Variants in FANCD2 observed in about 807,000 individuals in gnomAD.
The protein encoded by FANCD2 is Fanconi anemia group D2 protein.
FANCD2 carries 131 observed loss-of-function variants against 192.3 expected under a neutral mutation model. That is an observed-to-expected ratio of 0.68 (90% CI 0.59 to 0.79). The LOEUF (loss-of-function observed/expected upper bound fraction) is 0.79. Ranked by LOEUF, FANCD2 falls within the 30% of genes least tolerant of loss-of-function variation. The probability of loss-of-function intolerance (pLI) is 0.00; values close to 1 mark genes in which losing one functional copy is unlikely to be tolerated. For missense variants in FANCD2, 1,508 were observed against 1,701.6 expected (o/e 0.89, Z 2.00); for synonymous variants, 524 against 612.5 (o/e 0.86, Z 2.13).
At chr3:10,076,457 A>G (rs1165525675) in intron 29 of FANCD2, among the ~76,000 whole-genome samples, 1 of 152,142 alleles carries the variant, frequency 6.6e-6, no homozygotes, top group East Asian at 1.9e-4. Flanking sequence ...ACTATTCTGA[A>G]TATTTATTTT....
At position 10,064,857 on chromosome 3, in the gene FANCD2, C is replaced by T. The variant is rs1223856296; in HGVS notation, c.2150C>T (p.Ser717Leu). The T allele has an allele frequency of 6.2e-7, 1 of 1,613,804 alleles. No individual in the cohort carries two copies. The highest frequency in any genetic ancestry group is 1.7e-5 in the Admixed American group (1 of 60,012). Residue 717 changes from serine (S) to leucine (L), a missense_variant, in exon 23 of 44, where the codon TCA (serine) becomes TTA (leucine). By Grantham distance (145) the Ser-to-Leu change is moderately radical (BLOSUM62 -2). Coordinates refer to ENST00000675286, the MANE Select transcript of FANCD2 (RefSeq NM_001018115.3). Reference sequence around the variant, plus strand: ...GCAAAAGATGGGGGTCCGGTGACCTCACAGGAATCAGGCCAAAAGTCAGTA... The same window carrying T: ...GCAAAAGATGGGGGTCCGGTGACCTTACAGGAATCAGGCCAAAAGTCAGTA... Reference protein sequence around the residue: ...DFAKDGGPVTSQESGQKLVSP... With the variant: ...DFAKDGGPVTLQESGQKLVSP...
intron 18 of FANCD2, among the ~76,000 whole-genome samples, chr3:10,053,825 A>G (rs112438386): frequency 0.012 from 1,881 of 152,200 alleles, 15 homozygotes; most frequent in Non-Finnish European, 0.018. Flanking sequence ...TAACCATGAA[A>G]CTGTTCAGTT....
At chr3:10,078,464 C>T (rs1575818311) in intron 30 of FANCD2, among the ~76,000 whole-genome samples, 2 of 152,032 alleles carry the variant, frequency 1.3e-5, no homozygotes, top group Non-Finnish European at 2.9e-5. Flanking sequence ...ATGTCATTCT[C>T]CTGCCTCAGC....
chr3:10,094,440 G>C (rs895832096), intron 40 of FANCD2, 77 bp downstream of exon 40: 2 of 1,240,806 alleles, frequency 1.6e-6, no homozygotes, highest in Non-Finnish European at 2.4e-6. Context: ...ACTCCTGGGT[G>C]GGGCTGGGAG....
At chr3:10,035,597 T>C (rs2086708271) in intron 6 of FANCD2, among the ~76,000 whole-genome samples, 1 of 152,220 alleles carries the variant, frequency 6.6e-6, no homozygotes, top group Non-Finnish European at 1.5e-5. Context: ...TTCCTCCTCC[T>C]CGTCTCTTTT....
At chr3:10,043,025 C>T (rs759019069) in intron 11 of FANCD2, 25 bp from the exon 12 acceptor site, 15 of 1,597,304 alleles carry the variant, frequency 9.4e-6, no homozygotes, top group Non-Finnish European at 1.1e-5. Context: ...AGCAGAAAAC[C>T]ATAGCTAATA....
chr3:10,085,911 G>C lies in FANCD2; in HGVS notation c.3324G>C (p.Glu1108Asp). 6.2e-7 allele frequency: 1 copy of C among 1,610,290 alleles called. No individual in the cohort carries two copies. Residue 1108 changes from glutamate (E) to aspartate (D), a missense_variant, in exon 33 of 44, where the codon GAG becomes GAC. Around this residue, in one of 5 missense-constraint regions of FANCD2, gnomAD observed 796 missense variants for 879.4 expected, o/e 0.91. Coordinates refer to ENST00000675286, the MANE Select transcript of FANCD2 (RefSeq NM_001018115.3). ...AGGGAGAACACAGCCAGCCTTTGGAGGAACTACTCAGGTGAGTCATAACTA... is the reference window on the plus strand; with the variant it reads ...AGGGAGAACACAGCCAGCCTTTGGACGAACTACTCAGGTGAGTCATAACTA... ...LKQGEHSQPLEELLSQSVHYL... is the reference protein window; with the variant it reads ...LKQGEHSQPLDELLSQSVHYL...
chr3:10,041,450 A>G, intron 9 of FANCD2, 173 bp from the exon 10 acceptor site: 2 of 568,298 alleles, frequency 3.5e-6, no homozygotes, highest in Non-Finnish European at 6.3e-6. Context: ...ATGAGCATGT[A>G]TTATTTTTTG....
At chr3:10,043,008 A>G (rs776209053) in intron 11 of FANCD2, 42 bp from the exon 12 acceptor site, 143 of 1,548,176 alleles carry the variant, frequency 9.2e-5, no homozygotes, top group Non-Finnish European at 1.2e-4. Flanking sequence ...CCTACCCACT[A>G]TGAATGAGCA....
In FANCD2 at chr3:10,065,444, G is replaced by A. The variant is rs2087692202; in HGVS notation, c.2219G>A (p.Cys740Tyr). ...LAPYFRLLRL[C>Y]VERQHNGNLE... is the part of the protein sequence containing the mutation. ...CCGTATTTCCGGTTACTGAGACTTT[G>A]TGTGGAGAGACAGCATAACGGAAAC... Residue 740 changes from cysteine to tyrosine, a missense_variant, in exon 24 of 44, where the codon TGT becomes TAT. This residue lies in a region of FANCD2 where 796 missense variants were observed against 879.4 expected (regional missense o/e 0.91). Transcript: ENST00000675286. 1 of 1,614,042 alleles carries A rather than the reference G, an allele frequency of 6.2e-7. No homozygotes were observed. Among genetic ancestry groups the A allele is most frequent in the Middle Eastern group, 1.7e-4 (1 of 6,060 alleles).
intron 36 of FANCD2, 45 bp from the exon 37 acceptor site, chr3:10,090,247 G>C (rs374714658): frequency 1.2e-5 from 17 of 1,400,380 alleles, no homozygotes; most frequent in Non-Finnish European, 1.6e-5. Context: ...GTAGTTCTAA[G>C]CAGTGCATCA....
chr3:10,041,650 C>T lies in FANCD2; in HGVS notation c.723C>T (p.Leu241=), dbSNP rs1158546653. 2.0e-5 allele frequency: 33 copies of T among 1,613,732 alleles called. No individual in the cohort carries two copies. The highest frequency in any genetic ancestry group is 1.6e-4 in the Middle Eastern group (1 of 6,062). The part of the protein sequence containing the change: ...LSDLLIENTS[L]TVPILDVLSS... ...ACCTACTGATAGAGAATACTTCACT[C>T]ACTGTCCCAATCCTGGATGTCCTTT... Residue 241 remains leucine, a synonymous_variant, in exon 10 of 44, where the codon CTC becomes CTT. Transcript: ENST00000675286.
At chr3:10,034,324 CAAAAAAAAAAAA>C in intron 3 of FANCD2, 133 bp from the exon 4 acceptor site, 1 of 416,780 alleles carries the variant, frequency 2.4e-6, no homozygotes, top group Non-Finnish European at 4.1e-6. Flanking sequence ...AACTCCATCT[CAAAAAAAAAAAA>C]AAAAAAAAAG....
In FANCD2 at chr3:10,039,361, G is replaced by A. The variant is rs2086807670; in HGVS notation, c.570+4G>A. The A allele has an allele frequency of 1.2e-6, 2 of 1,607,814 alleles. No homozygotes were observed. Among genetic ancestry groups the A allele is most frequent in the South Asian group, 2.2e-5 (2 of 90,872 alleles). On this transcript the variant is annotated splice_donor_region_variant and intron_variant, in intron 8 of 43. Transcript: ENST00000675286. ...TGACAGAGTTGTGGATGGCAAGGTA[G>A]GCTTATGGACTTTATCTCTTGAATT...
rs375415579 is a variant in FANCD2, at chr3:10,067,245, A to T, written c.2422A>T (p.Met808Leu). The change falls in exon 26 of 44, where the codon ATG (methionine) becomes TTG (leucine). Residue 808 changes from methionine to leucine, a missense_variant. Transcript: ENST00000675286. ...CTTCTGCCAGGAAACATCACCTGAG[A>T]TGAAGGGGAAGGTGCTCACTCGGTT... The part of the protein sequence containing the change: ...NAFCQETSPE[M>L]KGKVLTRLKH... The T allele has an allele frequency of 6.2e-7, 1 of 1,613,706 alleles. No homozygotes were observed. The highest frequency in any genetic ancestry group is 8.5e-7 in the Non-Finnish European group (1 of 1,179,658).
intron 20 of FANCD2, 71 bp from the exon 21 acceptor site, chr3:10,063,721 T>G: frequency 6.2e-7 from 1 of 1,607,794 alleles, no homozygotes. Flanking sequence ...AAAACAGTCT[T>G]GAAAGGGGCG....
rs771387451 is a variant in FANCD2, at chr3:10,043,518, T to C, written c.1024T>C (p.Cys342Arg). 1.4e-5 allele frequency: 22 copies of C among 1,613,784 alleles called. No individual in the cohort carries two copies. The highest frequency in any genetic ancestry group is 5.0e-5 in the Admixed American group (3 of 59,996). The change falls in exon 13 of 44, where the codon TGT (cysteine) becomes CGT (arginine). Residue 342 changes from cysteine (C) to arginine (R), a missense_variant. Cys to Arg is a radical substitution (Grantham distance 180, BLOSUM62 -3). Coordinates refer to ENST00000675286, the MANE Select transcript of FANCD2 (RefSeq NM_001018115.3). ...SGNQESSGQS[C>R]IILLFDVIKS... ...AAATCAAGAAAGCAGCGGTCAGAGC[T>C]GTATTATTCTCCTCTTTGATGTAAT... is the stretch of plus-strand genomic sequence containing the variant.
rs1342640173 is a variant in FANCD2, at chr3:10,067,330, T to C, written c.2494+13T>C. 1.3e-6 allele frequency: 2 copies of C among 1,502,798 alleles called. No individual in the cohort carries two copies. Among genetic ancestry groups the C allele is most frequent in the Non-Finnish European group, 1.9e-6 (2 of 1,079,844 alleles). 93.1% of individuals were successfully genotyped at this position (1,502,798 alleles called of 1,614,324 possible). On this transcript the variant is annotated intron_variant, in intron 26 of 43. Coordinates refer to ENST00000675286, the MANE Select transcript of FANCD2 (RefSeq NM_001018115.3). ...AAGTACTTGGCAGGTAAGAGAAGTG[T>C]CCTATACTGGTAGTACTACTAGGCC... is the stretch of plus-strand genomic sequence containing the variant.
At chr3:10,060,944 C>T (rs965245665) in intron 19 of FANCD2, among the ~76,000 whole-genome samples, 1 of 152,192 alleles carries the variant, frequency 6.6e-6, no homozygotes, top group Admixed American at 6.5e-5. Flanking sequence ...TCTGAGACAT[C>T]AGGAGACATC....
Sources: gnomAD v4.1 joint callset for allele counts (sites outside exome capture counted in the v4.1 genomes callset) on GRCh38, gnomAD v4.1.1 for gene constraint, gnomAD v4.1.1 regional missense constraint, MANE v1.5 for transcripts, NCBI Gene and HGNC (gene_info 2026-07-23, HGNC 2026-07-21) for gene names.